The following CD80 variants were observed in gnomAD, a reference collection of about 807,000 sequenced individuals.
CD80 encodes the protein T-lymphocyte activation antigen CD80.
In CD80, 13 loss-of-function variants were observed where a neutral mutation model predicts 27.1. The observed-to-expected ratio is 0.48, with a 90% confidence interval of 0.31 to 0.76. The LOEUF (loss-of-function observed/expected upper bound fraction) is 0.76, where lower values mean the gene tolerates loss of function less well. CD80 is among the 30% of genes least tolerant of loss of function. The pLI is 0.04. For synonymous variants in CD80, 125 were observed against 125.5 expected (o/e 1.00, Z 0.03); for missense variants, 277 against 347.9 (o/e 0.80, Z 1.62).
chr3:119,526,170 T>C (rs1038428633), intron 6 of CD80, among the ~76,000 whole-genome samples: 1 of 152,132 alleles, frequency 6.6e-6, no homozygotes, highest in Non-Finnish European at 1.5e-5. Flanking sequence ...CATGGTTGCT[T>C]TTCTCAATAA....
In CD80 at chr3:119,527,728, G is replaced by C; in HGVS notation, c.*38+5C>G. 3 of 1,509,070 alleles carry C rather than the reference G, an allele frequency of 2.0e-6. No homozygotes were observed. In the African/African-American group the frequency reaches 4.1e-5, roughly 21 times the overall value. 93.5% of individuals were successfully genotyped at this position (1,509,070 alleles called of 1,614,324 possible). A position where few individuals can be genotyped will look rare whatever the true frequency, so the allele number is the denominator to read the frequency against. ...ATGTATCCCAGAAGAGATGACGGAGGCTACCTTCAGATCTTTTCAGCCCCT... is the reference window on the plus strand; with the variant it reads ...ATGTATCCCAGAAGAGATGACGGAGCCTACCTTCAGATCTTTTCAGCCCCT... On this transcript the variant is annotated splice_donor_5th_base_variant and intron_variant, in intron 6 of 6. Coordinates refer to ENST00000264246, the MANE Select transcript of CD80 (RefSeq NM_005191.4).
chr3:119,544,036 C>A (rs1008800475), intron 3 of CD80, among the ~76,000 whole-genome samples: 2 of 151,828 alleles, frequency 1.3e-5, no homozygotes, highest in South Asian at 2.1e-4. Context: ...TACAGGAATG[C>A]GCCACCACAT....
chr3:119,545,510 C>A (rs1380863301), intron 2 of CD80, among the ~76,000 whole-genome samples: 3 of 151,956 alleles, frequency 2.0e-5, no homozygotes, highest in Non-Finnish European at 4.4e-5. Flanking sequence ...CCCTTTCCCC[C>A]TCTCCCCTCA....
chr3:119,537,506 TAA>T, intron 3 of CD80, 88 bp from the exon 4 acceptor site: 1 of 960,894 alleles, frequency 1.0e-6, no homozygotes, highest in Non-Finnish European at 1.5e-6. Context: ...CTAGCTTTAA[TAA>T]GAATTGATAA....
chr3:119,557,803 C>T lies in CD80; in HGVS notation c.-75G>A. On this transcript the variant is annotated 5_prime_UTR_variant, in exon 2 of 7. Transcript: ENST00000264246. ...GTAAGACCAGGGCACTTCCCAGGTG[C>T]AAAACAGGCAGGGCTGATGACAATC... The T allele has an allele frequency of 1.1e-6, 1 of 937,302 alleles. No homozygotes were observed. The highest frequency in any genetic ancestry group is 1.6e-6 in the Non-Finnish European group (1 of 611,234). The allele number at this position is 937,302 out of a possible 1,614,324, so 58.1% of individuals were successfully genotyped here.
chr3:119,549,122 C>A (rs1404647214), intron 2 of CD80, among the ~76,000 whole-genome samples: 2 of 152,176 alleles, frequency 1.3e-5, no homozygotes, highest in Non-Finnish European at 2.9e-5. Context: ...GCTGAAATGA[C>A]TCCCATGCTT....
intron 2 of CD80, among the ~76,000 whole-genome samples, chr3:119,547,647 G>A (rs1423291099): frequency 3.9e-5 from 6 of 152,212 alleles, no homozygotes; most frequent in South Asian, 2.1e-4. Flanking sequence ...TTGAGAGAGC[G>A]AAGTCACTAA....
chr3:119,549,959 C>T (rs2082222446), intron 2 of CD80, among the ~76,000 whole-genome samples: 2 of 152,240 alleles, frequency 1.3e-5, no homozygotes, highest in East Asian at 3.9e-4. Flanking sequence ...GATTCTAGTC[C>T]CAGCTCAGCC....
At chr3:119,556,180 A>AT (rs1198681955) in intron 2 of CD80, among the ~76,000 whole-genome samples, 1 of 152,334 alleles carries the variant, frequency 6.6e-6, no homozygotes, top group East Asian at 1.9e-4. Context: ...CAGCAGCAGT[A>AT]AAACCAGGAT....
intron 2 of CD80, among the ~76,000 whole-genome samples, chr3:119,556,992 T>C (rs1253861184): frequency 6.6e-6 from 1 of 152,186 alleles, no homozygotes; most frequent in Admixed American, 6.5e-5. Flanking sequence ...ATATATGTAA[T>C]ACCTATGTGG....
intron 3 of CD80, chr3:119,544,210 T>G (rs969866089): frequency 7.5e-6 from 2 of 266,500 alleles, no homozygotes; most frequent in Admixed American, 9.6e-5. Flanking sequence ...CAGCATACTT[T>G]CACAGGCATA....
chr3:119,539,593 T>C (rs1301827218), intron 3 of CD80, among the ~76,000 whole-genome samples: 1 of 152,136 alleles, frequency 6.6e-6, no homozygotes, highest in East Asian at 1.9e-4. Flanking sequence ...ACTGTTTCAT[T>C]TATATATTTG....
chr3:119,543,854 T>C (rs917979805), intron 3 of CD80, among the ~76,000 whole-genome samples: 9 of 151,428 alleles, frequency 5.9e-5, no homozygotes, highest in Admixed American at 2.0e-4. Context: ...GACGTTCACA[T>C]ACTACCTGAA....
At chr3:119,557,596 G>T in intron 2 of CD80, 33 bp downstream of exon 2, 1 of 1,482,272 alleles carries the variant, frequency 6.7e-7, no homozygotes, top group Non-Finnish European at 9.4e-7. Flanking sequence ...CCCTGTAGCA[G>T]TTGACTCAGT....
At chr3:119,530,166 C>T (rs2082102265) in intron 4 of CD80, among the ~76,000 whole-genome samples, 2 of 152,186 alleles carry the variant, frequency 1.3e-5, no homozygotes, top group Admixed American at 1.3e-4. Context: ...TGAATGTCTG[C>T]ATTTACTGAG....
chr3:119,542,057 AC>A (rs1418645009), intron 3 of CD80, among the ~76,000 whole-genome samples: 4 of 77,024 alleles, frequency 5.2e-5, no homozygotes, highest in African/African-American at 1.6e-4. Context: ...TTGTGGTGCC[AC>A]CCCCCACCCC....
intron 2 of CD80, among the ~76,000 whole-genome samples, chr3:119,555,191 G>T (rs75882647): frequency 4.2e-4 from 64 of 152,180 alleles, no homozygotes; most frequent in African/African-American, 1.5e-3. Context: ...CACAGCTTCC[G>T]CCACTGTCTA....
intron 2 of CD80, among the ~76,000 whole-genome samples, chr3:119,546,104 C>G (rs552965421): frequency 6.6e-6 from 1 of 152,304 alleles, no homozygotes; most frequent in African/African-American, 2.4e-5. Flanking sequence ...TATCCCCTTC[C>G]TTTTTCTTGA....
chr3:119,527,172 G>A (rs1321761379), intron 6 of CD80, among the ~76,000 whole-genome samples: 5 of 152,216 alleles, frequency 3.3e-5, no homozygotes, highest in Non-Finnish European at 7.3e-5. Flanking sequence ...TATTTAGACT[G>A]AAGAGATCAG....
Sources: gnomAD v4.1 joint callset for allele counts (sites outside exome capture counted in the v4.1 genomes callset) on GRCh38, gnomAD v4.1.1 for gene constraint, MANE v1.5 for transcripts, NCBI Gene and HGNC (gene_info 2026-07-23, HGNC 2026-07-21) for gene names.